The following SH3BGRL variants were observed in gnomAD, a reference collection of about 807,000 sequenced individuals.
SH3BGRL encodes the protein adapter SH3BGRL.
SH3BGRL carries 7 observed loss-of-function variants against 9.8 expected under a neutral mutation model. The observed-to-expected ratio is 0.72, with a 90% CI of 0.41 to 1.35. The LOEUF is 1.35. Among genes scored for constraint, SH3BGRL ranks in the 40% most tolerant of loss-of-function variants. The probability of loss-of-function intolerance (pLI) is 0.01; values close to 1 mark genes in which losing one functional copy is unlikely to be tolerated. For synonymous variants in SH3BGRL, 36 were observed against 29.1 expected (o/e 1.24, Z -0.76); for missense variants, 73 against 84.4 (o/e 0.86, Z 0.53).
chrX:81,254,601 G>A (rs2075719927), intron 1 of SH3BGRL, among the ~76,000 whole-genome samples: 1 of 112,053 alleles, frequency 8.9e-6, no homozygotes, highest in Admixed American at 9.5e-5. Context: ...GGTAGTATTT[G>A]CTTTTGTTGT....
chrX:81,282,587 A>G lies in SH3BGRL; in HGVS notation c.312+4176A>G, dbSNP rs555275121. Among the ~76,000 whole-genome samples the G allele has an allele frequency of 2.2e-4, 25 of 112,286 alleles. No homozygotes were observed. The South Asian group carries it at 9.2e-3, about 41-fold the overall frequency. ...CCTGCTCCTGAATGAGCATTGGGTT[A>G]AAAACAAAATCAAGATGGAAATTAA... is the stretch of plus-strand genomic sequence containing the variant. On this transcript the variant is annotated intron_variant, in intron 3 of 3. Coordinates refer to ENST00000373212, the MANE Select transcript of SH3BGRL (RefSeq NM_003022.3).
chrX:81,271,473 C>T (rs1016063359), intron 1 of SH3BGRL, among the ~76,000 whole-genome samples: 7 of 112,067 alleles, frequency 6.2e-5, no homozygotes, highest in Non-Finnish European at 9.4e-5. Context: ...GTCACGAGAA[C>T]TCTAGGGAGC....
At chrX:81,225,012 G>T (rs2075612397) in intron 1 of SH3BGRL, among the ~76,000 whole-genome samples, 1 of 110,739 alleles carries the variant, frequency 9.0e-6, no homozygotes, top group Admixed American at 9.7e-5. Context: ...ATTGCTTGAT[G>T]AATGATATGT....
chrX:81,241,269 C>T (rs138142999), intron 1 of SH3BGRL, among the ~76,000 whole-genome samples: 351 of 112,236 alleles, frequency 3.1e-3, no homozygotes, highest in African/African-American at 0.011. Flanking sequence ...TGGCACGGGC[C>T]TGCATGCACC....
chrX:81,277,166 C>T lies in SH3BGRL; in HGVS notation c.228C>T (p.Arg76=), dbSNP rs761471898. The T allele has an allele frequency of 2.2e-5, 26 of 1,200,381 alleles. No individual in the cohort carries two copies. Among genetic ancestry groups the T allele is most frequent in the Admixed American group, 9.0e-5 (4 of 44,623 alleles). Residue 76 remains arginine (R), a synonymous_variant, in exon 2 of 4, where the codon CGC becomes CGT. Transcript: ENST00000373212. ...PPQIFNESQY[R]GDYDAFFEAR... is the part of the protein sequence containing the mutation. Reference sequence around the variant, plus strand: ...AGATTTTCAATGAAAGCCAGTATCGCGGGGTAAGAAAACAATTTAAATTCT... The same window carrying T: ...AGATTTTCAATGAAAGCCAGTATCGTGGGGTAAGAAAACAATTTAAATTCT...
intron 1 of SH3BGRL, among the ~76,000 whole-genome samples, chrX:81,223,211 G>T (rs1261901615): frequency 1.8e-5 from 2 of 111,621 alleles, no homozygotes; most frequent in Non-Finnish European, 3.8e-5. Context: ...GGCTTTTGTT[G>T]CCATTGCTTT....
intron 1 of SH3BGRL, among the ~76,000 whole-genome samples, chrX:81,243,158 A>C (rs2075676629): frequency 8.9e-6 from 1 of 112,451 alleles, no homozygotes; most frequent in South Asian, 3.7e-4. Context: ...CAGATGAATG[A>C]AATGTAAAGA....
At chrX:81,296,725 G>C (rs1355627841) in intron 3 of SH3BGRL, among the ~76,000 whole-genome samples, 2 of 111,810 alleles carry the variant, frequency 1.8e-5, no homozygotes. Flanking sequence ...CTATCCAGAG[G>C]AGAAGGAAGA....
At chrX:81,232,193 C>T (rs2075634890) in intron 1 of SH3BGRL, among the ~76,000 whole-genome samples, 1 of 111,038 alleles carries the variant, frequency 9.0e-6, no homozygotes, top group African/African-American at 3.3e-5. Context: ...CCTTATTAAA[C>T]TCATATTGTC....
chrX:81,225,305 G>T (rs1413137046), intron 1 of SH3BGRL, among the ~76,000 whole-genome samples: 2 of 110,231 alleles, frequency 1.8e-5, no homozygotes, highest in Non-Finnish European at 3.8e-5. Context: ...TAATTTAGGG[G>T]GTACAAATGC....
chrX:81,266,237 C>G (rs1227433802), intron 1 of SH3BGRL, among the ~76,000 whole-genome samples: 1 of 111,526 alleles, frequency 9.0e-6, no homozygotes, highest in African/African-American at 3.3e-5. Flanking sequence ...CTTTTGTTGC[C>G]ATTGCTTTTG....
At chrX:81,213,855 G>A (rs1363110667) in intron 1 of SH3BGRL, among the ~76,000 whole-genome samples, 1 of 112,121 alleles carries the variant, frequency 8.9e-6, no homozygotes, top group Non-Finnish European at 1.9e-5. Context: ...GTGGAGATTT[G>A]CAGCTGCTAG....
At chrX:81,227,507 A>G (rs1176301950) in intron 1 of SH3BGRL, among the ~76,000 whole-genome samples, 1 of 111,667 alleles carries the variant, frequency 9.0e-6, no homozygotes, top group Non-Finnish European at 1.9e-5. Flanking sequence ...AGAATGTGCA[A>G]AAATTCTTGT....
intron 1 of SH3BGRL, among the ~76,000 whole-genome samples, chrX:81,233,029 A>G (rs902541199): frequency 2.7e-5 from 3 of 111,598 alleles, no homozygotes; most frequent in African/African-American, 9.8e-5. Context: ...GGAGGATATC[A>G]TACAACTATA....
chrX:81,243,663 A>G (rs368615472), intron 1 of SH3BGRL, among the ~76,000 whole-genome samples: 90 of 111,193 alleles, frequency 8.1e-4, no homozygotes, highest in African/African-American at 2.8e-3. Flanking sequence ...CTGTTTCAAA[A>G]CATCTCATGT....
At chrX:81,243,814 A>G (rs2075679706) in intron 1 of SH3BGRL, among the ~76,000 whole-genome samples, 1 of 111,682 alleles carries the variant, frequency 9.0e-6, no homozygotes. Context: ...TTATGAGGGT[A>G]AGAACTCATG....
At chrX:81,296,033 A>C (rs1385561695) in intron 3 of SH3BGRL, among the ~76,000 whole-genome samples, 3 of 111,663 alleles carry the variant, frequency 2.7e-5, no homozygotes, top group Non-Finnish European at 3.8e-5. Flanking sequence ...ACAATATATA[A>C]AGAAGAAAGA....
chrX:81,236,655 A>G (rs911626890), intron 1 of SH3BGRL, among the ~76,000 whole-genome samples: 5 of 112,044 alleles, frequency 4.5e-5, no homozygotes, highest in African/African-American at 1.6e-4. Context: ...AAGGATATGT[A>G]GTTGAAGACT....
intron 3 of SH3BGRL, among the ~76,000 whole-genome samples, chrX:81,290,818 A>G (rs2075855542): frequency 9.0e-6 from 1 of 111,314 alleles, no homozygotes; most frequent in Admixed American, 9.6e-5. Context: ...GCCTGTATCA[A>G]AACATGTCAT....
Sources: allele counts gnomAD v4.1 joint callset (sites outside exome capture counted in the v4.1 genomes callset), GRCh38; gene constraint gnomAD v4.1.1; transcripts MANE v1.5; gene names NCBI Gene and HGNC (gene_info 2026-07-23, HGNC 2026-07-21).